Variants in SLC7A7 observed in about 807,000 individuals in gnomAD.
SLC7A7 encodes solute carrier family 7 member 7.
In SLC7A7, 39 loss-of-function variants were observed where a neutral mutation model predicts 47.9. The observed-to-expected ratio is 0.81, with a 90% CI of 0.63 to 1.06. The LOEUF is 1.06. SLC7A7 is among the 50% of genes least tolerant of loss of function. SLC7A7 has a pLI of 0.00. For synonymous variants in SLC7A7, 234 were observed against 242.8 expected (o/e 0.96, Z 0.34); for missense variants, 588 against 632.0 (o/e 0.93, Z 0.75).
intron 2 of SLC7A7, among the ~76,000 whole-genome samples, chr14:22,800,109 G>T (rs1288170163): frequency 6.6e-6 from 1 of 152,098 alleles, no homozygotes; most frequent in African/African-American, 2.4e-5. Context: ...TTCTCACTAG[G>T]ATCATAGCAG....
intron 2 of SLC7A7, among the ~76,000 whole-genome samples, chr14:22,805,511 G>C (rs2039186089): frequency 2.0e-5 from 3 of 152,190 alleles, no homozygotes. Flanking sequence ...ACTAATGTAG[G>C]AACAGAAAAC....
At chr14:22,801,025 C>T (rs1784867589) in intron 2 of SLC7A7, among the ~76,000 whole-genome samples, 1 of 152,200 alleles carries the variant, frequency 6.6e-6, no homozygotes, top group Non-Finnish European at 1.5e-5. Context: ...GCTGCAACCA[C>T]ATGAGGGACC....
chr14:22,792,882 A>C (rs1355114321), intron 2 of SLC7A7, among the ~76,000 whole-genome samples: 1 of 146,894 alleles, frequency 6.8e-6, no homozygotes, highest in Non-Finnish European at 1.5e-5. Flanking sequence ...AGAGAGAGAG[A>C]GAGAGAGAGA....
chr14:22,775,538 A>C lies in SLC7A7; in HGVS notation c.1001T>G (p.Leu334Arg), dbSNP rs72552272. The C allele has an allele frequency of 1.5e-5, 24 of 1,613,928 alleles. No individual in the cohort carries two copies. Among genetic ancestry groups the C allele is most frequent in the Non-Finnish European group, 1.9e-5 (23 of 1,179,910 alleles). The change falls in exon 7 of 10, where the codon CTT becomes CGT. Residue 334 changes from leucine (L) to arginine (R), a missense_variant and splice_region_variant. Transcript: ENST00000674313. Reference sequence around the variant, plus strand: ...GCCTTCTCTTGAGCCCACAAAGAAAAGCCTATGTTAGGTAAGATAGGAGAA... The same window carrying C: ...GCCTTCTCTTGAGCCCACAAAGAAACGCCTATGTTAGGTAAGATAGGAGAA... ...LNASIVAASR[L>R]FFVGSREGHL...
At chr14:22,780,082 T>TA in intron 2 of SLC7A7, 31 bp from the exon 3 acceptor site, 1 of 1,613,258 alleles carries the variant, frequency 6.2e-7, no homozygotes, top group South Asian at 1.1e-5. Context: ...ATTGGTGACT[T>TA]ACCCTTACCA....
Position 22,815,382 on chromosome 14 carries a change from G to T in SLC7A7, c.-105C>A. On this transcript the variant is annotated 5_prime_UTR_variant, in exon 1 of 10. Transcript: ENST00000674313. ...GTGAGCAGCAGTCAGGGAGAGAAGTGCCTTCCAGGATCTGTGGTCTGATGC... is the reference window on the plus strand; with the variant it reads ...GTGAGCAGCAGTCAGGGAGAGAAGTTCCTTCCAGGATCTGTGGTCTGATGC... The T allele has an allele frequency of 2.2e-6, 1 of 454,556 alleles. No individual in the cohort carries two copies. The highest frequency in any genetic ancestry group is 4.4e-6 in the Non-Finnish European group (1 of 226,796). The allele number at this position is 454,556 out of a possible 1,614,324, so 28.2% of individuals were successfully genotyped here. A position where few individuals can be genotyped will look rare whatever the true frequency, so the allele number is the denominator to read the frequency against.
chr14:22,797,982 A>AG lies in SLC7A7; in HGVS notation c.499+14917dup, dbSNP rs375415248. ...AATATAGATCACATTTCTATGAGGT[A>AG]GGGACCCCATTTTATAGAAGAGAGA... On this transcript the variant is annotated intron_variant, in intron 2 of 9. Coordinates refer to ENST00000674313, the MANE Select transcript of SLC7A7 (RefSeq NM_003982.4). 1.3e-3 allele frequency among the ~76,000 whole-genome samples: 198 copies of AG among 152,300 alleles called. 2 individuals are homozygous for AG. Among genetic ancestry groups the AG allele is most frequent in the African/African-American group, 3.8e-3 (160 of 41,562 alleles).
chr14:22,793,788 C>G (rs944676350), intron 2 of SLC7A7, among the ~76,000 whole-genome samples: 2 of 152,004 alleles, frequency 1.3e-5, no homozygotes, highest in African/African-American at 4.8e-5. Flanking sequence ...TGCACTCCAG[C>G]CTGGGTGACA....
At chr14:22,810,357 G>A (rs1594982037) in intron 2 of SLC7A7, among the ~76,000 whole-genome samples, 1 of 151,364 alleles carries the variant, frequency 6.6e-6, no homozygotes, top group African/African-American at 2.4e-5. Flanking sequence ...AGCTACTCGG[G>A]AGGCTGAGGC....
intron 2 of SLC7A7, among the ~76,000 whole-genome samples, chr14:22,781,034 G>C (rs1484902074): frequency 1.3e-5 from 2 of 152,078 alleles, no homozygotes; most frequent in Non-Finnish European, 2.9e-5. Flanking sequence ...AAAAAATACA[G>C]ATCTTCCCAC....
Position 22,775,915 on chromosome 14 carries a change from C to G in SLC7A7, c.916G>C (p.Gly306Arg), listed in dbSNP as rs144264145. 182 of 1,613,670 alleles carry G rather than the reference C, an allele frequency of 1.1e-4. No homozygotes were observed. Among genetic ancestry groups the G allele is most frequent in the Non-Finnish European group, 1.5e-4 (175 of 1,179,724 alleles). Residue 306 changes from glycine (G) to arginine (R), a missense_variant, in exon 6 of 10, where the codon GGA becomes CGA. Transcript: ENST00000674313. ...VAVTFADQIF[G>R]IFNWIIPLSV... is the part of the protein sequence containing the mutation. ...AGTGGAATTATCCAGTTAAATATTC[C>G]AAATATCTGATCTGCAAAAGTCTAA...
chr14:22,809,507 A>AT (rs1017336216), intron 2 of SLC7A7, among the ~76,000 whole-genome samples: 3 of 151,812 alleles, frequency 2.0e-5, no homozygotes, highest in Non-Finnish European at 2.9e-5. Context: ...CACCCAGCTA[A>AT]TTTTTTTGCG....
chr14:22,799,448 C>CTTTTTTTTTTTTTTTTTTT lies in SLC7A7; in HGVS notation c.499+13433_499+13451dup, dbSNP rs56375225. ...TCTTTTTCTTTTTATTTTTTTCTTT[C>CTTTTTTTTTTTTTTTTTTT]TTTTTTTTTTTTTTTTTTTTTTTTG... On this transcript the variant is annotated intron_variant, in intron 2 of 9. Transcript: ENST00000674313. 4.4e-3 allele frequency among the ~76,000 whole-genome samples: 333 copies of CTTTTTTTTTTTTTTTTTTT among 76,188 alleles called. 2 individuals are homozygous for CTTTTTTTTTTTTTTTTTTT. Among genetic ancestry groups the CTTTTTTTTTTTTTTTTTTT allele is most frequent in the Non-Finnish European group, 5.4e-3 (235 of 43,418 alleles). The allele number at this position is 76,188 out of a possible 152,430, so 50.0% of individuals were successfully genotyped here.
chr14:22,810,973 C>T lies in SLC7A7; in HGVS notation c.499+1927G>A, dbSNP rs188995923. Among the ~76,000 whole-genome samples the T allele has an allele frequency of 3.4e-4, 52 of 151,958 alleles. No homozygotes were observed. In the East Asian group the frequency reaches 8.1e-3, roughly 24 times the overall value. On this transcript the variant is annotated intron_variant, in intron 2 of 9. Coordinates refer to ENST00000674313, the MANE Select transcript of SLC7A7 (RefSeq NM_003982.4). ...AGCCTGGGCAACAAGAGTGAAACTC[C>T]GTCTCGGAAAAAAAAAACCTCAGTG...
At chr14:22,811,714 T>C (rs2039308097) in intron 2 of SLC7A7, among the ~76,000 whole-genome samples, 1 of 151,902 alleles carries the variant, frequency 6.6e-6, no homozygotes, top group Non-Finnish European at 1.5e-5. Flanking sequence ...TAGCTAGGCA[T>C]GGTGGCACAT....
chr14:22,808,298 G>A (rs1328931334), intron 2 of SLC7A7, among the ~76,000 whole-genome samples: 4 of 152,228 alleles, frequency 2.6e-5, no homozygotes, highest in African/African-American at 9.6e-5. Context: ...GCAAGGGCCA[G>A]ACATCATTCT....
intron 2 of SLC7A7, among the ~76,000 whole-genome samples, chr14:22,806,559 T>C (rs893970259): frequency 7.9e-5 from 12 of 152,106 alleles, no homozygotes; most frequent in African/African-American, 2.9e-4. Context: ...CCACCTTCCC[T>C]ATTTTAGATG....
chr14:22,777,340 G>A (rs1345116066), intron 4 of SLC7A7, among the ~76,000 whole-genome samples: 1 of 152,048 alleles, frequency 6.6e-6, no homozygotes, highest in Non-Finnish European at 1.5e-5. Context: ...AATTATGGAG[G>A]CAAATTGTGA....
chr14:22,779,961 G>A lies in SLC7A7; in HGVS notation c.590C>T (p.Ala197Val), dbSNP rs780597284. The A allele has an allele frequency of 1.6e-5, 26 of 1,613,948 alleles. No homozygotes were observed. The highest frequency in any genetic ancestry group is 4.0e-5 in the African/African-American group (3 of 74,870). The part of the protein sequence containing the change: ...FTYAKVLALI[A>V]VIVAGIVRLG... ...TCTAACAATGCCTGCAACGATGACC[G>A]CGATCAGTGCCAATACTTTAGCATA... Residue 197 changes from alanine to valine, a missense_variant, in exon 3 of 10, where the codon GCG becomes GTG. Coordinates refer to ENST00000674313, the MANE Select transcript of SLC7A7 (RefSeq NM_003982.4).
Sources: allele counts gnomAD v4.1 joint callset (sites outside exome capture counted in the v4.1 genomes callset), GRCh38; gene constraint gnomAD v4.1.1; transcripts MANE v1.5; gene names NCBI Gene and HGNC (gene_info 2026-07-23, HGNC 2026-07-21).